XRCC4: variants seen among roughly 807,000 people sequenced by gnomAD.
XRCC4 encodes the protein X-ray repair cross complementing 4.
XRCC4 carries 28 observed loss-of-function variants against 39.1 expected under a neutral mutation model. The observed-to-expected ratio is 0.72, with a 90% CI of 0.53 to 0.98. XRCC4 has a LOEUF of 0.98. XRCC4 is among the 50% of genes least tolerant of loss of function. XRCC4 has a pLI of 0.00. For synonymous variants in XRCC4, 123 were observed against 126.4 expected, an observed-to-expected ratio of 0.97 and a Z score of 0.18; for missense variants, 350 against 376.4, an observed-to-expected ratio of 0.93 and a Z score of 0.58.
Position 83,299,737 on chromosome 5 carries a change from C to T in XRCC4, c.893+41060C>T, listed in dbSNP as rs532789522. ...TATCATGTTTTATTTTTAGATATTA[C>T]GTGTTGTTTTCAAATGTGCTTTGTC... On this transcript the variant is annotated intron_variant, in intron 7 of 7. Coordinates refer to ENST00000396027, the MANE Select transcript of XRCC4 (RefSeq NM_003401.5). Among the ~76,000 whole-genome samples, 11 of 152,142 alleles carry T rather than the reference C, an allele frequency of 7.2e-5. No individual in the cohort carries two copies. In the South Asian group the frequency reaches 1.4e-3, roughly 20 times the overall value.
chr5:83,078,627 T>A (rs1744792086), intron 1 of XRCC4, among the ~76,000 whole-genome samples: 1 of 152,250 alleles, frequency 6.6e-6, no homozygotes, highest in African/African-American at 2.4e-5. Context: ...ACAAAGGTTT[T>A]GTTTTAAACT....
intron 3 of XRCC4, among the ~76,000 whole-genome samples, chr5:83,138,955 G>T (rs1302337973): frequency 2.0e-5 from 3 of 151,974 alleles, no homozygotes; most frequent in Admixed American, 2.0e-4. Flanking sequence ...ATAATAAAGA[G>T]AATTTCTGTA....
chr5:83,358,886 C>G, the XRCC4 span, among the ~76,000 whole-genome samples: 1 of 152,152 alleles, frequency 6.6e-6, no homozygotes, highest in South Asian at 2.1e-4. Flanking sequence ...AAGCATAAAA[C>G]AGGAAAGGCG....
rs149258690 is a variant in XRCC4, at chr5:83,258,924, A to C, written c.893+247A>C. 7.7e-4 allele frequency: 318 copies of C among 414,830 alleles called. 4 individuals are homozygous for C. In the East Asian group the frequency reaches 0.017, roughly 22 times the overall value. The allele number at this position is 414,830 out of a possible 1,614,324, so 25.7% of individuals were successfully genotyped here. A position where few individuals can be genotyped will look rare whatever the true frequency, so the allele number is the denominator to read the frequency against. On this transcript the variant is annotated intron_variant, in intron 7 of 7. Coordinates refer to ENST00000396027, the MANE Select transcript of XRCC4 (RefSeq NM_003401.5). ...TTCTCATGGTTTTTATAGATTAATT[A>C]GAAATGGCATGTAGGATACAAAAAA... is the stretch of plus-strand genomic sequence containing the variant.
intron 7 of XRCC4, among the ~76,000 whole-genome samples, chr5:83,277,713 A>G (rs895319962): frequency 2.0e-5 from 3 of 152,252 alleles, no homozygotes; most frequent in African/African-American, 7.2e-5. Flanking sequence ...AGAATAGTCA[A>G]AATAAACCAT....
At chr5:83,247,243 A>G (rs958180264) in intron 6 of XRCC4, among the ~76,000 whole-genome samples, 1 of 152,172 alleles carries the variant, frequency 6.6e-6, no homozygotes, top group East Asian at 1.9e-4. Flanking sequence ...TAGGTAGCCA[A>G]CCAAGTAAGA....
At chr5:83,311,014 T>C in intron 7 of XRCC4, 1 of 298,018 alleles carries the variant, frequency 3.4e-6, no homozygotes. Flanking sequence ...AACAGTCATT[T>C]CAGACTTGTG....
At chr5:83,300,687 G>A (rs547660275) in intron 7 of XRCC4, among the ~76,000 whole-genome samples, 4 of 150,690 alleles carry the variant, frequency 2.7e-5, no homozygotes, top group South Asian at 4.3e-4. Context: ...CCCATCAACC[G>A]GTCATCTACA....
At chr5:83,360,203 C>G in the XRCC4 span, among the ~76,000 whole-genome samples, 2 of 152,204 alleles carry the variant, frequency 1.3e-5, no homozygotes, top group African/African-American at 4.8e-5. Context: ...CTCTCTGTCA[C>G]TCTCTCATAT....
intron 6 of XRCC4, among the ~76,000 whole-genome samples, 167 bp from the exon 7 acceptor site, chr5:83,258,363 A>G (rs1753627607): frequency 6.6e-6 from 1 of 152,174 alleles, no homozygotes. Context: ...GTAAAGTATC[A>G]TATGGCATCT....
chr5:83,223,853 C>A (rs1401668611), intron 6 of XRCC4, among the ~76,000 whole-genome samples: 1 of 118,000 alleles, frequency 8.5e-6, no homozygotes, highest in Non-Finnish European at 1.7e-5. Context: ...CATGACAGGC[C>A]CCAGTGTGTG....
intron 7 of XRCC4, among the ~76,000 whole-genome samples, chr5:83,306,096 A>G (rs915375878): frequency 1.3e-4 from 19 of 149,364 alleles, no homozygotes; most frequent in Admixed American, 1.1e-3. Context: ...AGGTTAGCCC[A>G]GAACATTTTA....
rs367844671 is a variant in XRCC4, at chr5:83,308,031, A to T, written c.894-45100A>T. On this transcript the variant is annotated intron_variant, in intron 7 of 7. Transcript: ENST00000396027. ...TATATTCCTCTTCCATGGAGCCCTA[A>T]AAATTCCTCAAATGTATTTTGGAGG... 6.6e-5 allele frequency among the ~76,000 whole-genome samples: 10 copies of T among 152,356 alleles called. No individual in the cohort carries two copies. The East Asian group carries it at 9.6e-4, about 15-fold the overall frequency.
rs28360249 is a variant in XRCC4 at position 83,267,804 on chromosome 5, G to A, written c.893+9127G>A. 7.4e-4 allele frequency among the ~76,000 whole-genome samples: 113 copies of A among 152,218 alleles called. 2 individuals are homozygous for A. In the East Asian group the frequency reaches 0.016, roughly 21 times the overall value. ...GGGATAGTCCCTTACTAAAAAGAAG[G>A]GCTATCCTATCAGGGGAACAGATTG... On this transcript the variant is annotated intron_variant, in intron 7 of 7. Coordinates refer to ENST00000396027, the MANE Select transcript of XRCC4 (RefSeq NM_003401.5).
At chr5:83,081,949 A>G (rs546640121) in intron 1 of XRCC4, among the ~76,000 whole-genome samples, 1 of 152,284 alleles carries the variant, frequency 6.6e-6, no homozygotes, top group East Asian at 1.9e-4. Flanking sequence ...ATTGATGGCA[A>G]CTTTATACAG....
At chr5:83,204,699 GT>G in intron 5 of XRCC4, 115 bp from the exon 6 acceptor site, 3 of 626,778 alleles carry the variant, frequency 4.8e-6, no homozygotes, top group Non-Finnish European at 7.9e-6. Context: ...TTTTCAATAT[GT>G]TTGTCTAATT....
In XRCC4 at chr5:83,079,218, C is replaced by T. The variant is rs28383129; in HGVS notation, c.-11+1603C>T. On this transcript the variant is annotated intron_variant, in intron 1 of 7. Transcript: ENST00000396027. ...ACCTGAGCTTCAAAACAGTAAAGAA[C>T]GGCATTGCCAGTTTTTAAGTTATCT... Among the ~76,000 whole-genome samples, 501 of 152,302 alleles carry T rather than the reference C, an allele frequency of 3.3e-3. 4 individuals carry two copies. Among genetic ancestry groups the T allele is most frequent in the African/African-American group, 0.011 (446 of 41,562 alleles).
intron 6 of XRCC4, among the ~76,000 whole-genome samples, chr5:83,206,966 A>G (rs978014355): frequency 1.3e-5 from 2 of 152,176 alleles, no homozygotes; most frequent in Non-Finnish European, 2.9e-5. Context: ...TCTGATTCTA[A>G]TCAGATTTGA....
chr5:83,237,319 T>A (rs1359154924), intron 6 of XRCC4, among the ~76,000 whole-genome samples: 1 of 152,070 alleles, frequency 6.6e-6, no homozygotes, highest in Non-Finnish European at 1.5e-5. Context: ...TAAGTGTCCA[T>A]CAATGAATGA....
Sources: allele counts gnomAD v4.1 joint callset (sites outside exome capture counted in the v4.1 genomes callset), GRCh38; gene constraint gnomAD v4.1.1; transcripts MANE v1.5; gene names NCBI Gene and HGNC (gene_info 2026-07-23, HGNC 2026-07-21).